The following DMXL2 variants were observed in gnomAD, a reference collection of about 807,000 sequenced individuals.
DMXL2 encodes the protein dmX-like protein 2.
In DMXL2, 103 loss-of-function variants were observed where a neutral mutation model predicts 331.1. The ratio of observed to expected loss-of-function variants is 0.31; its 90% confidence interval spans 0.27 to 0.37. The LOEUF (loss-of-function observed/expected upper bound fraction) is 0.37. Among genes scored for constraint, DMXL2 ranks in the 10% least tolerant of loss-of-function variants. The pLI, the probability that DMXL2 is intolerant of heterozygous loss-of-function variation, is 1.00. For missense variants in DMXL2, 3,171 were observed against 3,642.9 expected, an observed-to-expected ratio of 0.87 and a Z score of 3.33; for synonymous variants, 1,281 against 1,252.1, an observed-to-expected ratio of 1.02 and a Z score of -0.49.
chr15:51,578,516 C>T (rs528885987), intron 1 of DMXL2, among the ~76,000 whole-genome samples: 16 of 152,264 alleles, frequency 1.1e-4, no homozygotes, highest in African/African-American at 3.1e-4. Flanking sequence ...GCATCAAAAT[C>T]ACCTAGGAAA....
At chr15:51,610,613 A>G (rs936803653) in intron 1 of DMXL2, among the ~76,000 whole-genome samples, 3 of 152,028 alleles carry the variant, frequency 2.0e-5, no homozygotes, top group African/African-American at 7.2e-5. Context: ...ATAAAAATAC[A>G]AAAAATTAGC....
chr15:51,617,917 A>G (rs1346025186), intron 1 of DMXL2, among the ~76,000 whole-genome samples: 1 of 152,116 alleles, frequency 6.6e-6, no homozygotes. Flanking sequence ...GAACTTATAA[A>G]CCCTATATTC....
chr15:51,547,325 C>G lies in DMXL2; in HGVS notation c.651G>C (p.Arg217Ser). The change falls in exon 7 of 44, where the codon AGG becomes AGC. Residue 217 changes from arginine to serine, a missense_variant. Arg to Ser is a moderately radical substitution (Grantham distance 110). This residue lies in a region of DMXL2 where 1,674 missense variants were observed against 1,780.2 expected (regional missense o/e 0.94). Coordinates refer to ENST00000560891, the MANE Select transcript of DMXL2 (RefSeq NM_001378457.1). ...AAGAAAATTGAGTAGAGGACTGTCTCCTTTTTACTTCATGATGATCCTGAG... is the reference window on the plus strand; with the variant it reads ...AAGAAAATTGAGTAGAGGACTGTCTGCTTTTTACTTCATGATGATCCTGAG... ...IIPQDHHEVK[R>S]RQSSTQFSFV... is the part of the protein sequence containing the mutation. The G allele has an allele frequency of 6.2e-7, 1 of 1,613,032 alleles. No individual in the cohort carries two copies. The highest frequency in any genetic ancestry group is 1.3e-5 in the African/African-American group (1 of 74,976).
intron 13 of DMXL2, among the ~76,000 whole-genome samples, chr15:51,520,175 T>C (rs1444379224): frequency 6.6e-6 from 1 of 152,222 alleles, no homozygotes; most frequent in African/African-American, 2.4e-5. Flanking sequence ...TGCTGTTATC[T>C]CTACCTGAAA....
At chr15:51,482,790 C>G (rs1417179197) in intron 23 of DMXL2, among the ~76,000 whole-genome samples, 1 of 152,172 alleles carries the variant, frequency 6.6e-6, no homozygotes, top group Non-Finnish European at 1.5e-5. Flanking sequence ...TAAAAATAAA[C>G]CAAGAGAATG....
rs79631934 is a variant in DMXL2, at chr15:51,524,918, G to A, written c.2437-7751C>T. ...ACCTACTGAGACACCAGGCGGGATG[G>A]CTAAAAAAGTGCTGGCATCATCCCT... is the stretch of plus-strand genomic sequence containing the variant. On this transcript the variant is annotated intron_variant, in intron 13 of 43. Transcript: ENST00000560891. Among the ~76,000 whole-genome samples the A allele has an allele frequency of 2.6e-3, 395 of 152,044 alleles. 17 individuals carry two copies. The East Asian group carries it at 0.062, about 24-fold the overall frequency.
At chr15:51,460,245 G>A in intron 33 of DMXL2, 1 of 985,596 alleles carries the variant, frequency 1.0e-6, no homozygotes, top group South Asian at 4.7e-5. Context: ...GCTCTGCTGT[G>A]GAAACTCTGA....
chr15:51,568,679 C>A, intron 2 of DMXL2, 121 bp from the exon 3 acceptor site: 1 of 677,978 alleles, frequency 1.5e-6, no homozygotes, highest in South Asian at 2.1e-5. Context: ...TGGTTTATTT[C>A]CTTCCATAAA....
At chr15:51,473,693 C>G (rs1036151018) in intron 28 of DMXL2, among the ~76,000 whole-genome samples, 2 of 152,246 alleles carry the variant, frequency 1.3e-5, no homozygotes, top group East Asian at 3.9e-4. Flanking sequence ...AGATAGAAAT[C>G]TTTCCTGCGG....
In DMXL2 at chr15:51,481,490, G is replaced by A. The variant is rs1339825061; in HGVS notation, c.5616C>T (p.Asn1872=). Residue 1872 remains asparagine, a synonymous_variant, in exon 24 of 44, where the codon AAC becomes AAT. Coordinates refer to ENST00000560891, the MANE Select transcript of DMXL2 (RefSeq NM_001378457.1). ...LATLGLKTEK[N]FVDKINLIER... ...CTATGAGGTTAATTTTATCAACAAAGTTCTTCTCAGTTTTGAGACCTAAGG... is the reference window on the plus strand; with the variant it reads ...CTATGAGGTTAATTTTATCAACAAAATTCTTCTCAGTTTTGAGACCTAAGG... 12 of 1,613,348 alleles carry A rather than the reference G, an allele frequency of 7.4e-6. No homozygotes were observed. Among genetic ancestry groups the A allele is most frequent in the Middle Eastern group, 1.6e-4 (1 of 6,082 alleles).
intron 8 of DMXL2, among the ~76,000 whole-genome samples, chr15:51,543,269 T>C (rs1044955677): frequency 1.3e-5 from 2 of 152,192 alleles, no homozygotes; most frequent in Non-Finnish European, 1.5e-5. Context: ...TGTTTCATAA[T>C]AATTTTTTAT....
intron 8 of DMXL2, among the ~76,000 whole-genome samples, chr15:51,543,879 TCAGGTA>T (rs1261383287): frequency 2.0e-5 from 3 of 152,086 alleles, no homozygotes; most frequent in Non-Finnish European, 4.4e-5. Flanking sequence ...AAGCAATATA[TCAGGTA>T]CCATGGAGGA....
intron 13 of DMXL2, among the ~76,000 whole-genome samples, chr15:51,532,347 G>C (rs1197387707): frequency 6.6e-6 from 1 of 152,256 alleles, no homozygotes; most frequent in East Asian, 1.9e-4. Context: ...TGGACCCATA[G>C]AGATAGAGTA....
At chr15:51,560,445 C>A (rs1404945664) in intron 6 of DMXL2, among the ~76,000 whole-genome samples, 3 of 123,096 alleles carry the variant, frequency 2.4e-5, no homozygotes, top group African/African-American at 6.2e-5. Flanking sequence ...TAATTTAGGG[C>A]ATCATAAATA....
chr15:51,495,494 T>C (rs1489033500), intron 18 of DMXL2, among the ~76,000 whole-genome samples: 1 of 152,212 alleles, frequency 6.6e-6, no homozygotes, highest in African/African-American at 2.4e-5. Flanking sequence ...TGAATTCCGA[T>C]GAGATGTAAT....
At position 51,481,591 on chromosome 15, in the gene DMXL2, T is replaced by G; in HGVS notation, c.5515A>C (p.Ser1839Arg). ...IIKSCNPVAF[S>R]FYNYLRTHPL... ...TGAGTTCGAAGGTAGTTATAAAAACTAAATGCCACCGGGTTACAAGACTTG... is the reference window on the plus strand; with the variant it reads ...TGAGTTCGAAGGTAGTTATAAAAACGAAATGCCACCGGGTTACAAGACTTG... The change falls in exon 24 of 44, where the codon AGT (serine) becomes CGT (arginine). Residue 1839 changes from serine (S) to arginine (R), a missense_variant. By Grantham distance (110) the Ser-to-Arg change is moderately radical. Transcript: ENST00000560891. 6.4e-7 allele frequency: 1 copy of G among 1,571,068 alleles called. No individual in the cohort carries two copies. The highest frequency in any genetic ancestry group is 8.6e-7 in the Non-Finnish European group (1 of 1,163,298).
intron 1 of DMXL2, among the ~76,000 whole-genome samples, chr15:51,618,770 A>G (rs1490781360): frequency 6.6e-6 from 1 of 152,176 alleles, no homozygotes; most frequent in African/African-American, 2.4e-5. Flanking sequence ...TTATCTTTCC[A>G]AACCTTACTC....
In DMXL2 at chr15:51,563,461, A is replaced by T. The variant is rs369646107; in HGVS notation, c.501-14T>A. On this transcript the variant is annotated splice_polypyrimidine_tract_variant and intron_variant, in intron 5 of 43. Transcript: ENST00000560891. Reference sequence around the variant, plus strand: ...GATACTGAGGTTCTAAAAAAGAGAGAGTTAGGCAATTAGCCCTTTTAAAAT... The same window carrying T: ...GATACTGAGGTTCTAAAAAAGAGAGTGTTAGGCAATTAGCCCTTTTAAAAT... 18 of 1,589,628 alleles carry T rather than the reference A, an allele frequency of 1.1e-5. No individual in the cohort carries two copies. In the African/African-American group the frequency reaches 2.0e-4, roughly 18 times the overall value.
chr15:51,572,249 C>T (rs1325081115), intron 2 of DMXL2, among the ~76,000 whole-genome samples: 2 of 119,832 alleles, frequency 1.7e-5, no homozygotes, highest in South Asian at 2.6e-4. Flanking sequence ...AAGTTGAATC[C>T]CTGAATAGAC....
Sources: gnomAD v4.1 joint callset for allele counts (sites outside exome capture counted in the v4.1 genomes callset) on GRCh38, gnomAD v4.1.1 for gene constraint, gnomAD v4.1.1 regional missense constraint, MANE v1.5 for transcripts, NCBI Gene and HGNC (gene_info 2026-07-23, HGNC 2026-07-21) for gene names.